ANKS1A: variants seen among roughly 807,000 people sequenced by gnomAD.
ANKS1A encodes the protein ankyrin repeat and sterile alpha motif domain containing 1A.
ANKS1A carries 55 observed loss-of-function variants against 120.3 expected under a neutral mutation model. The ratio of observed to expected loss-of-function variants is 0.46; its 90% CI spans 0.37 to 0.57. ANKS1A has a LOEUF of 0.57. Ranked by LOEUF, ANKS1A falls within the 20% of genes least tolerant of loss-of-function variation. ANKS1A has a pLI of 0.00. For synonymous variants in ANKS1A, 590 were observed against 604.7 expected (o/e 0.98, Z 0.36); for missense variants, 1,123 against 1,480.3 (o/e 0.76, Z 3.96).
intron 11 of ANKS1A, among the ~76,000 whole-genome samples, chr6:35,035,102 G>A (rs929887145): frequency 2.0e-5 from 3 of 152,218 alleles, no homozygotes; most frequent in African/African-American, 4.8e-5. Flanking sequence ...CAGCTGCACT[G>A]CCAGTGGCTG....
chr6:34,968,746 A>C (rs893993962), intron 2 of ANKS1A, among the ~76,000 whole-genome samples: 2 of 151,534 alleles, frequency 1.3e-5, no homozygotes, highest in Non-Finnish European at 3.0e-5. Flanking sequence ...CCAGCAGTGT[A>C]GTTTTTATGA....
chr6:35,033,162 G>A (rs999347340), intron 11 of ANKS1A, among the ~76,000 whole-genome samples: 29 of 152,222 alleles, frequency 1.9e-4, no homozygotes, highest in African/African-American at 6.8e-4. Context: ...AGTTTGGACA[G>A]TTCTTGGCCC....
In ANKS1A at chr6:35,072,486, C is replaced by T. The variant is rs1330876965; in HGVS notation, c.2185-6072C>T. Among the ~76,000 whole-genome samples, 12 of 152,364 alleles carry T rather than the reference C, an allele frequency of 7.9e-5. No individual in the cohort carries two copies. The East Asian group carries it at 1.3e-3, about 17-fold the overall frequency. On this transcript the variant is annotated intron_variant, in intron 13 of 23. Coordinates refer to ENST00000360359, the MANE Select transcript of ANKS1A (RefSeq NM_015245.3). ...AAGGGCACCCAGCCACGATCATGGGCGACTCTACAAACCCAGCCCCTTACT... is the reference window on the plus strand; with the variant it reads ...AAGGGCACCCAGCCACGATCATGGGTGACTCTACAAACCCAGCCCCTTACT...
intron 11 of ANKS1A, among the ~76,000 whole-genome samples, chr6:35,032,196 T>G (rs1774941310): frequency 6.6e-6 from 1 of 151,878 alleles, no homozygotes; most frequent in South Asian, 2.1e-4. Flanking sequence ...GTGTGGGAGG[T>G]GAGGTGAGGC....
Position 35,087,057 on chromosome 6 carries a change from A to C in ANKS1A, c.3401+8A>C, listed in dbSNP as rs746121217. On this transcript the variant is annotated splice_region_variant and intron_variant, in intron 23 of 23. Transcript: ENST00000360359. ...GCGGAGCCTCAGCACCAAGTATGAG[A>C]CCACTATCTTCTAAAACAACCCACT... 2 of 1,613,602 alleles carry C rather than the reference A, an allele frequency of 1.2e-6. No homozygotes were observed. Among genetic ancestry groups the C allele is most frequent in the South Asian group, 2.2e-5 (2 of 91,068 alleles).
At chr6:35,023,155 T>G (rs1293980573) in intron 11 of ANKS1A, among the ~76,000 whole-genome samples, 2 of 152,156 alleles carry the variant, frequency 1.3e-5, no homozygotes, top group Non-Finnish European at 2.9e-5. Context: ...TCTCTCTGGG[T>G]TCTAGTAAAC....
chr6:35,028,680 G>T (rs925310688), intron 11 of ANKS1A, among the ~76,000 whole-genome samples: 2 of 152,136 alleles, frequency 1.3e-5, no homozygotes, highest in African/African-American at 4.8e-5. Flanking sequence ...AGACAAAATG[G>T]TGCTGTCTCA....
chr6:34,987,506 T>C (rs1772273583), intron 8 of ANKS1A, among the ~76,000 whole-genome samples: 2 of 152,200 alleles, frequency 1.3e-5, no homozygotes, highest in South Asian at 4.1e-4. Flanking sequence ...AAGGTGGCAC[T>C]GGAACCAGGT....
chr6:34,936,048 C>T (rs915485082), intron 1 of ANKS1A, among the ~76,000 whole-genome samples: 3 of 115,844 alleles, frequency 2.6e-5, no homozygotes, highest in South Asian at 2.7e-4. Context: ...GGCGACAGAG[C>T]GAGACTCCGT....
chr6:34,895,882 C>T (rs936743283), intron 1 of ANKS1A, among the ~76,000 whole-genome samples: 7 of 148,802 alleles, frequency 4.7e-5, no homozygotes, highest in Non-Finnish European at 7.4e-5. Flanking sequence ...CTCCACCTCC[C>T]GGGTTCAAGC....
intron 1 of ANKS1A, among the ~76,000 whole-genome samples, chr6:34,900,442 ACT>A (rs766060198): frequency 1.3e-5 from 2 of 148,408 alleles, no homozygotes; most frequent in Non-Finnish European, 3.0e-5. Context: ...CCTCATAACA[ACT>A]CTCTCTGTTT....
At chr6:34,941,735 G>A (rs775130051) in intron 1 of ANKS1A, among the ~76,000 whole-genome samples, 1 of 152,104 alleles carries the variant, frequency 6.6e-6, no homozygotes, top group African/African-American at 2.4e-5. Context: ...GATAACTTTC[G>A]TCATTCCTTA....
downstream of ANKS1A, among the ~76,000 whole-genome samples, chr6:35,094,188 A>G (rs1024493538): frequency 6.6e-6 from 1 of 152,252 alleles, no homozygotes; most frequent in Non-Finnish European, 1.5e-5. Context: ...TAAGAATGAG[A>G]AACAGAAATG....
At chr6:34,980,186 CGGCT>C (rs1421633488) in intron 3 of ANKS1A, among the ~76,000 whole-genome samples, 1 of 152,226 alleles carries the variant, frequency 6.6e-6, no homozygotes, top group Non-Finnish European at 1.5e-5. Context: ...GCTGGCAGGC[CGGCT>C]GTATCCTCTG....
chr6:34,950,169 C>T (rs1770000623), intron 1 of ANKS1A, among the ~76,000 whole-genome samples: 1 of 151,794 alleles, frequency 6.6e-6, no homozygotes, highest in Admixed American at 6.6e-5. Flanking sequence ...GACAGTGAGA[C>T]CCTGTCTCTT....
At chr6:35,024,898 G>A (rs563802470) in intron 11 of ANKS1A, among the ~76,000 whole-genome samples, 1 of 152,248 alleles carries the variant, frequency 6.6e-6, no homozygotes, top group Admixed American at 6.5e-5. Context: ...AATTTCCCAC[G>A]CCATATTCTG....
intron 1 of ANKS1A, among the ~76,000 whole-genome samples, chr6:34,958,684 C>G (rs1273810512): frequency 6.6e-6 from 1 of 152,200 alleles, no homozygotes; most frequent in African/African-American, 2.4e-5. Context: ...ATTCACCATC[C>G]TTCCACTTGT....
At chr6:34,932,635 T>C (rs1037843774) in intron 1 of ANKS1A, among the ~76,000 whole-genome samples, 2 of 152,252 alleles carry the variant, frequency 1.3e-5, no homozygotes, top group East Asian at 3.8e-4. Flanking sequence ...TCTATCCGTC[T>C]CAACCTCCCA....
chr6:35,086,166 C>A lies in ANKS1A; in HGVS notation c.3303+230C>A. 8.2e-7 allele frequency: 1 copy of A among 1,218,514 alleles called. No homozygotes were observed. Among genetic ancestry groups the A allele is most frequent in the Non-Finnish European group, 1.1e-6 (1 of 887,934 alleles). The allele number at this position is 1,218,514 out of a possible 1,614,324, so 75.5% of individuals were successfully genotyped here. On this transcript the variant is annotated intron_variant, in intron 22 of 23. Coordinates refer to ENST00000360359, the MANE Select transcript of ANKS1A (RefSeq NM_015245.3). The surrounding 1 kb of genome is among the most constrained non-coding windows in gnomAD (Gnocchi z 5.1). ...TCCTGTTTCCCTCCCTCGCTGGGCT[C>A]CCCCAAGGGCAAGGCCGTCAAGGGG...
Sources: gnomAD v4.1 joint callset for allele counts (sites outside exome capture counted in the v4.1 genomes callset) on GRCh38, gnomAD v4.1.1 for gene constraint, Gnocchi (gnomAD v3.1) non-coding constraint, MANE v1.5 for transcripts, NCBI Gene and HGNC (gene_info 2026-07-23, HGNC 2026-07-21) for gene names.